Variants in CNOT1 observed in about 807,000 individuals in gnomAD.
The protein encoded by CNOT1 is CCR4-NOT transcription complex subunit 1, also known as CCR4-associated factor 1.
In CNOT1, 15 loss-of-function variants were observed where a neutral mutation model predicts 273.8. That is an observed-to-expected ratio of 0.05 (90% CI 0.04 to 0.08). The LOEUF is 0.08. Ranked by LOEUF, CNOT1 falls within the 10% of genes least tolerant of loss-of-function variation. CNOT1 has a pLI of 1.00. For missense variants in CNOT1, 1,644 were observed against 2,912.2 expected (o/e 0.56, Z 10.02); for synonymous variants, 1,022 against 1,005.5 (o/e 1.02, Z -0.31).
chr16:58,538,985 C>G, intron 35 of CNOT1, 71 bp from the exon 36 acceptor site: 1 of 1,561,926 alleles, frequency 6.4e-7, no homozygotes, highest in Non-Finnish European at 8.7e-7. Context: ...AGCCAGAAAC[C>G]AAATCTCAAT....
At chr16:58,607,731 AAAAAAAAG>A (rs1359084411) in intron 1 of CNOT1, among the ~76,000 whole-genome samples, 1 of 144,118 alleles carries the variant, frequency 6.9e-6, no homozygotes, top group African/African-American at 2.7e-5. Flanking sequence ...CAAAAAAAAA[AAAAAAAAG>A]AAAGAAAGAA....
At chr16:58,602,361 G>C (rs187562874) in intron 1 of CNOT1, among the ~76,000 whole-genome samples, 44 of 151,916 alleles carry the variant, frequency 2.9e-4, no homozygotes, top group Middle Eastern at 3.4e-3. Context: ...GTGAGCCACC[G>C]CATCTGGCCT....
rs1424562881 is a variant in CNOT1, at chr16:58,547,533, T to G, written c.3639+33A>C. On this transcript the variant is annotated intron_variant, in intron 26 of 48. Transcript: ENST00000317147. This position sits in a 1 kb window ranked among gnomAD's most constrained non-coding sequence, Gnocchi z 4.0. ...ACTTGTAATCATAATGTGCTGAAGATTCTCAATTTTTACACATTTAGATGA... is the reference window on the plus strand; with the variant it reads ...ACTTGTAATCATAATGTGCTGAAGAGTCTCAATTTTTACACATTTAGATGA... The G allele has an allele frequency of 1.3e-6, 2 of 1,588,392 alleles. No individual in the cohort carries two copies. The highest frequency in any genetic ancestry group is 1.8e-5 in the Admixed American group (1 of 56,590).
chr16:58,543,122 AC>A, intron 31 of CNOT1: 1 of 1,308,762 alleles, frequency 7.6e-7, no homozygotes, highest in Non-Finnish European at 9.8e-7. Context: ...GCAAAAAACA[AC>A]CAAAAAAAAT....
intron 8 of CNOT1, among the ~76,000 whole-genome samples, chr16:58,584,295 T>C (rs561863141): frequency 6.6e-6 from 1 of 152,296 alleles, no homozygotes; most frequent in South Asian, 2.1e-4. Context: ...TATTCTGATA[T>C]GTACACAGCC....
intron 18 of CNOT1, among the ~76,000 whole-genome samples, chr16:58,557,205 T>C (rs1024456800): frequency 2.0e-5 from 3 of 152,214 alleles, no homozygotes; most frequent in Non-Finnish European, 4.4e-5. Flanking sequence ...CAAATTTCTT[T>C]AGCATCTGGA....
chr16:58,539,486 C>CACACACACACACACACAG (rs1195287508), intron 35 of CNOT1, among the ~76,000 whole-genome samples: 1 of 149,388 alleles, frequency 6.7e-6, no homozygotes, highest in African/African-American at 2.4e-5. Context: ...CACACACACA[C>CACACACACACACACACAG]ACACACAGAC....
At chr16:58,571,512 A>AC (rs1350725282) in intron 16 of CNOT1, among the ~76,000 whole-genome samples, 3 of 152,186 alleles carry the variant, frequency 2.0e-5, no homozygotes, top group Non-Finnish European at 4.4e-5. Flanking sequence ...GTGAGACAAG[A>AC]CAGTGCCACC....
chr16:58,570,328 T>G (rs1319440063), intron 16 of CNOT1, among the ~76,000 whole-genome samples: 1 of 152,114 alleles, frequency 6.6e-6, no homozygotes, highest in East Asian at 1.9e-4. Flanking sequence ...CAAAGGACAG[T>G]ATAAATCTCC....
chr16:58,526,175 CATTTTT>C, intron 44 of CNOT1, 37 bp from the exon 45 acceptor site: 1 of 1,610,070 alleles, frequency 6.2e-7, no homozygotes, highest in African/African-American at 1.3e-5. Flanking sequence ...CAAGCAGAAT[CATTTTT>C]ATTAGTAAAT....
At chr16:58,598,267 G>A (rs2042331452) in intron 2 of CNOT1, among the ~76,000 whole-genome samples, 1 of 152,048 alleles carries the variant, frequency 6.6e-6, no homozygotes, top group South Asian at 2.1e-4. Context: ...GCATGATGGT[G>A]TGTGCCTATA....
intron 1 of CNOT1, among the ~76,000 whole-genome samples, chr16:58,627,722 C>T (rs2043644821): frequency 6.6e-6 from 1 of 152,116 alleles, no homozygotes. Flanking sequence ...CATTTCAATT[C>T]TTTTCCACCG....
At chr16:58,552,693 G>C (rs2040494799) in intron 22 of CNOT1, among the ~76,000 whole-genome samples, 1 of 151,508 alleles carries the variant, frequency 6.6e-6, no homozygotes, top group South Asian at 2.1e-4. Flanking sequence ...TTAAAATACA[G>C]AATATCAAGT....
Position 58,576,586 on chromosome 16 carries a change from A to AC in CNOT1, c.1585-5_1585-4insG, listed in dbSNP as rs1293504565. The AC allele has an allele frequency of 6.2e-7, 1 of 1,614,090 alleles. No individual in the cohort carries two copies. Among genetic ancestry groups the AC allele is most frequent in the Admixed American group, 1.7e-5 (1 of 60,008 alleles). On this transcript the variant is annotated splice_polypyrimidine_tract_variant and splice_region_variant and intron_variant, in intron 13 of 48. Transcript: ENST00000317147. ...GGCGAATTGAGGGAGACTGTCCCTA[A>AC]AAAGGGGAAGAAAGATTAAATAGCA... is the stretch of plus-strand genomic sequence containing the variant.
intron 1 of CNOT1, among the ~76,000 whole-genome samples, chr16:58,613,942 AT>A (rs2042988641): frequency 8.3e-6 from 1 of 120,090 alleles, no homozygotes; most frequent in Admixed American, 8.3e-5. Context: ...CAAAAAAAAA[AT>A]TAGCCGGGCG....
At chr16:58,561,088 G>A (rs2040823409) in intron 16 of CNOT1, among the ~76,000 whole-genome samples, 1 of 152,212 alleles carries the variant, frequency 6.6e-6, no homozygotes, top group Non-Finnish European at 1.5e-5. Context: ...GGGAGGCTGA[G>A]GTGGGAGGAC....
chr16:58,582,123 CAAAAAAAA>C (rs930219983), intron 10 of CNOT1, among the ~76,000 whole-genome samples: 2 of 99,450 alleles, frequency 2.0e-5, no homozygotes, highest in Admixed American at 2.3e-4. Context: ...ACTAAAAATA[CAAAAAAAA>C]AAAAAAAAAA....
chr16:58,614,487 T>G (rs1383328516), intron 1 of CNOT1, among the ~76,000 whole-genome samples: 1 of 125,288 alleles, frequency 8.0e-6, no homozygotes, highest in Non-Finnish European at 1.9e-5. Context: ...GCCCCACCAA[T>G]AATAACAATA....
At chr16:58,526,567 T>A (rs921670959) in intron 44 of CNOT1, among the ~76,000 whole-genome samples, 1 of 145,352 alleles carries the variant, frequency 6.9e-6, no homozygotes, top group African/African-American at 2.6e-5. Flanking sequence ...CTCACGCCTG[T>A]AAACCCAGCA....
Sources: allele counts gnomAD v4.1 joint callset (sites outside exome capture counted in the v4.1 genomes callset), GRCh38; gene constraint gnomAD v4.1.1; non-coding constraint Gnocchi (gnomAD v3.1); transcripts MANE v1.5; gene names NCBI Gene and HGNC (gene_info 2026-07-23, HGNC 2026-07-21).